Variants in AKT3 observed in about 807,000 individuals in gnomAD.
AKT3 encodes the protein RAC-gamma serine/threonine-protein kinase.
In AKT3, 15 loss-of-function variants were observed where a neutral mutation model predicts 65.3. The observed-to-expected ratio is 0.23, with a 90% CI of 0.15 to 0.35. The LOEUF (loss-of-function observed/expected upper bound fraction) is 0.35, where lower values mean the gene tolerates loss of function less well. AKT3 is among the 10% of genes least tolerant of loss of function. The probability of loss-of-function intolerance (pLI) is 1.00; values close to 1 mark genes in which losing one functional copy is unlikely to be tolerated. For missense variants in AKT3, 243 were observed against 576.5 expected (o/e 0.42, Z 5.92); for synonymous variants, 206 against 183.8 (o/e 1.12, Z -0.98).
Position 243,500,060 on chromosome 1 carries a change from A to C in AKT3, c.*5189T>G. 1 of 454,046 alleles carries C rather than the reference A, an allele frequency of 2.2e-6. No individual in the cohort carries two copies. Among genetic ancestry groups the C allele is most frequent in the South Asian group, 4.8e-5 (1 of 21,008 alleles). 28.1% of individuals were successfully genotyped at this position (454,046 alleles called of 1,614,324 possible). On this transcript the variant is annotated 3_prime_UTR_variant, in exon 14 of 14. Transcript: ENST00000673466. ...TGCTCATTCGTATGCTAGGTTATAC[A>C]TATGATTTTCAATAAATGAACTTTT...
At position 243,807,814 on chromosome 1, in the gene AKT3, G is replaced by A. The variant is rs376550100; in HGVS notation, c.46+35311C>T. 3.0e-4 allele frequency among the ~76,000 whole-genome samples: 46 copies of A among 152,186 alleles called. 2 individuals carry two copies. In the South Asian group the frequency reaches 8.1e-3, roughly 27 times the overall value. ...GGGCAGACTGACACCTCACACGGCC[G>A]GGCACCCCTCTGAGACGAAACTTCC... On this transcript the variant is annotated intron_variant, in intron 2 of 13. Coordinates refer to ENST00000673466, the MANE Select transcript of AKT3 (RefSeq NM_005465.7).
intron 2 of AKT3, among the ~76,000 whole-genome samples, chr1:243,816,629 C>T (rs1693537651): frequency 6.6e-6 from 1 of 151,652 alleles, no homozygotes; most frequent in South Asian, 2.1e-4. Context: ...AGCATACAGG[C>T]AAAGTAAAAC....
intron 12 of AKT3, among the ~76,000 whole-genome samples, chr1:243,543,903 C>T (rs1164105644): frequency 1.3e-5 from 2 of 152,162 alleles, no homozygotes; most frequent in African/African-American, 4.8e-5. Flanking sequence ...AATCACCATA[C>T]TCCCAGTAAC....
chr1:243,522,099 G>T (rs377556951), intron 12 of AKT3, among the ~76,000 whole-genome samples: 1 of 152,176 alleles, frequency 6.6e-6, no homozygotes, highest in African/African-American at 2.4e-5. Flanking sequence ...GTAACAAAAA[G>T]ATTTTGCACC....
intron 8 of AKT3, among the ~76,000 whole-genome samples, chr1:243,584,998 AC>A (rs1040984163): frequency 6.6e-6 from 1 of 152,120 alleles, no homozygotes; most frequent in African/African-American, 2.4e-5. Flanking sequence ...TACTCAGGAA[AC>A]CCTAAGGGCT....
chr1:243,771,783 A>G (rs1040133578), intron 2 of AKT3, among the ~76,000 whole-genome samples: 1 of 152,198 alleles, frequency 6.6e-6, no homozygotes, highest in African/African-American at 2.4e-5. Context: ...ACCTGACTTC[A>G]AACTATACTA....
At chr1:243,702,264 C>T (rs1004620757) in intron 2 of AKT3, among the ~76,000 whole-genome samples, 1 of 152,120 alleles carries the variant, frequency 6.6e-6, no homozygotes, top group Non-Finnish European at 1.5e-5. Context: ...ACAAACTTCT[C>T]AAATTAGCCT....
At chr1:243,749,250 A>T (rs900365100) in intron 2 of AKT3, among the ~76,000 whole-genome samples, 4 of 152,154 alleles carry the variant, frequency 2.6e-5, no homozygotes, top group African/African-American at 9.7e-5. Context: ...GTACTGCTAT[A>T]CTAAATCACG....
chr1:243,802,380 T>C (rs1176842596), intron 2 of AKT3, among the ~76,000 whole-genome samples: 2 of 152,202 alleles, frequency 1.3e-5, no homozygotes, highest in African/African-American at 4.8e-5. Flanking sequence ...TAAAGTAATA[T>C]TCCTGGCTAG....
intron 8 of AKT3, among the ~76,000 whole-genome samples, chr1:243,606,296 G>A (rs966389531): frequency 6.6e-6 from 1 of 152,224 alleles, no homozygotes; most frequent in Non-Finnish European, 1.5e-5. Flanking sequence ...ACAGAAAAAC[G>A]TGAGAAAGTT....
chr1:243,640,415 C>T (rs936923761), intron 5 of AKT3, among the ~76,000 whole-genome samples: 1 of 152,186 alleles, frequency 6.6e-6, no homozygotes, highest in Non-Finnish European at 1.5e-5. Flanking sequence ...TCTCCCCGGG[C>T]TAACCCTGTA....
chr1:243,761,848 T>C lies in AKT3; in HGVS notation c.47-66132A>G, dbSNP rs1572296975. Among the ~76,000 whole-genome samples the C allele has an allele frequency of 5.9e-5, 9 of 152,286 alleles. 1 individual carries two copies. Among genetic ancestry groups the C allele is most frequent in the Admixed American group, 4.6e-4 (7 of 15,296 alleles). ...AAATATGTACACATTTTAAGAAATATAATAAGTATTTTCTTACTGAAGCAA... is the reference window on the plus strand; with the variant it reads ...AAATATGTACACATTTTAAGAAATACAATAAGTATTTTCTTACTGAAGCAA... On this transcript the variant is annotated intron_variant, in intron 2 of 13. Coordinates refer to ENST00000673466, the MANE Select transcript of AKT3 (RefSeq NM_005465.7).
intron 12 of AKT3, among the ~76,000 whole-genome samples, chr1:243,545,019 C>T (rs935562519): frequency 5.3e-5 from 8 of 151,832 alleles, no homozygotes; most frequent in African/African-American, 1.9e-4. Context: ...ATTTTGTGGG[C>T]AATAAAGTTC....
At chr1:243,739,049 T>C (rs1172641422) in intron 2 of AKT3, among the ~76,000 whole-genome samples, 4 of 152,192 alleles carry the variant, frequency 2.6e-5, no homozygotes, top group Admixed American at 1.3e-4. Flanking sequence ...TCAAACCTTA[T>C]GCTTTTGCCA....
chr1:243,590,753 GAAA>G lies in AKT3; in HGVS notation c.697-17708_697-17706del, dbSNP rs370731517. On this transcript the variant is annotated intron_variant, in intron 8 of 13. Coordinates refer to ENST00000673466, the MANE Select transcript of AKT3 (RefSeq NM_005465.7). ...AAGAATCGATATAAATTACAACTGG[GAAA>G]AAAAAGCCTCAGTGACCTGTTGGAC... is the stretch of plus-strand genomic sequence containing the variant. Among the ~76,000 whole-genome samples the G allele has an allele frequency of 1.4e-3, 207 of 151,722 alleles. 1 individual carries two copies. The highest frequency in any genetic ancestry group is 4.7e-3 in the African/African-American group (196 of 41,390).
At chr1:243,662,848 G>T (rs1015434134) in intron 4 of AKT3, among the ~76,000 whole-genome samples, 1 of 152,106 alleles carries the variant, frequency 6.6e-6, no homozygotes, top group Non-Finnish European at 1.5e-5. Context: ...TATTAATACT[G>T]TTTTTTCTTA....
intron 11 of AKT3, among the ~76,000 whole-genome samples, chr1:243,549,061 C>T (rs1351625524): frequency 2.0e-5 from 3 of 152,126 alleles, no homozygotes; most frequent in Admixed American, 2.0e-4. Flanking sequence ...TCTCCTTATC[C>T]ACTACCCTTG....
intron 2 of AKT3, among the ~76,000 whole-genome samples, chr1:243,752,134 T>TA (rs1336964620): frequency 6.6e-6 from 1 of 152,108 alleles, no homozygotes; most frequent in African/African-American, 2.4e-5. Context: ...TTGCTTTTGA[T>TA]ACAAAACCAA....
At chr1:243,638,991 T>C (rs1428698564) in intron 5 of AKT3, among the ~76,000 whole-genome samples, 2 of 151,766 alleles carry the variant, frequency 1.3e-5, no homozygotes, top group East Asian at 1.9e-4. Context: ...TCTGGCCAGG[T>C]TGGTCAGAAA....
Sources: allele counts gnomAD v4.1 joint callset (sites outside exome capture counted in the v4.1 genomes callset), GRCh38; gene constraint gnomAD v4.1.1; transcripts MANE v1.5; gene names NCBI Gene and HGNC (gene_info 2026-07-23, HGNC 2026-07-21).